ASMTL: variants seen among roughly 807,000 people sequenced by gnomAD.
The protein encoded by ASMTL is acetylserotonin O-methyltransferase like.
Under a neutral mutation model 60.3 loss-of-function variants are expected in ASMTL, and 57 were observed. The ratio of observed to expected loss-of-function variants is 0.95; its 90% CI spans 0.76 to 1.18. ASMTL has a LOEUF of 1.18. Among genes scored for constraint, ASMTL ranks in the 50% most tolerant of loss-of-function variants. ASMTL has a pLI of 0.00. For synonymous variants in ASMTL, 419 were observed against 373.0 expected (o/e 1.12, Z -1.42); for missense variants, 981 against 852.6 (o/e 1.15, Z -1.88).
chrX:1,449,395 A>G (rs1236906574), intron 1 of ASMTL, among the ~76,000 whole-genome samples: 20 of 151,820 alleles, frequency 1.3e-4, no homozygotes, highest in Non-Finnish European at 2.1e-4. Context: ...CCCAGATCAT[A>G]TAGACCCCTG....
chrX:1,427,822 G>C lies in ASMTL; in HGVS notation c.809C>G (p.Ala270Gly). 2.5e-6 allele frequency: 4 copies of C among 1,612,300 alleles called. No individual in the cohort carries two copies. The highest frequency in any genetic ancestry group is 3.4e-6 in the Non-Finnish European group (4 of 1,179,826). Residue 270 changes from alanine (A) to glycine (G), a missense_variant, in exon 7 of 13, where the codon GCA (alanine) becomes GGA (glycine). Physicochemically the swap from Ala to Gly is moderately conservative, Grantham distance 60. Coordinates refer to ENST00000381317, the MANE Select transcript of ASMTL (RefSeq NM_004192.4). ...AEAGEAGQAT[A>G]EAECHRTRET... Reference sequence around the variant, plus strand: ...CCGAGTCCTGTGACACTCAGCCTCTGCCGTGGCCTGTCCCGCCTCTCCCGC... The same window carrying C: ...CCGAGTCCTGTGACACTCAGCCTCTCCCGTGGCCTGTCCCGCCTCTCCCGC...
At chrX:1,437,088 C>G (rs769275361) in intron 3 of ASMTL, among the ~76,000 whole-genome samples, 5 of 150,430 alleles carry the variant, frequency 3.3e-5, no homozygotes, top group Non-Finnish European at 5.9e-5. Flanking sequence ...ATGCTTTAGT[C>G]CATCTCAGGC....
At chrX:1,439,007 G>A in intron 3 of ASMTL, 90 bp downstream of exon 3, 1 of 1,373,068 alleles carries the variant, frequency 7.3e-7, no homozygotes, top group Non-Finnish European at 1.0e-6. Flanking sequence ...CTGTCTTAAG[G>A]GGAATGTACA....
At chrX:1,442,369 G>C (rs370716564) in intron 1 of ASMTL, 52 bp from the exon 2 acceptor site, 4 of 1,606,130 alleles carry the variant, frequency 2.5e-6, no homozygotes, top group South Asian at 1.1e-5. Flanking sequence ...CCTATGAAAA[G>C]TGAATGGGAC....
Position 1,420,961 on chromosome X carries a change from T to TA in ASMTL, c.1245+696_1245+697insT, listed in dbSNP as rs1491155214. 2.7e-3 allele frequency among the ~76,000 whole-genome samples: 4 copies of TA among 1,476 alleles called. No individual in the cohort carries two copies. The East Asian group carries it at 0.5, about 184-fold the overall frequency. 1.0% of individuals were successfully genotyped at this position (1,476 alleles called of 152,430 possible). On this transcript the variant is annotated intron_variant, in intron 9 of 12. Coordinates refer to ENST00000381317, the MANE Select transcript of ASMTL (RefSeq NM_004192.4). ...CTAATCATACCTGGCTAATCGTTAATTTTTTTTTTTTTTTTTGAGATGGAG... is the reference window on the plus strand; with the variant it reads ...CTAATCATACCTGGCTAATCGTTAATATTTTTTTTTTTTTTTTGAGATGGAG...
chrX:1,439,358 C>T (rs1438348954), intron 2 of ASMTL, among the ~76,000 whole-genome samples: 1 of 152,158 alleles, frequency 6.6e-6, no homozygotes, highest in African/African-American at 2.4e-5. Context: ...GAGGCCGGGG[C>T]CCACGGGGGC....
Position 1,427,784 on chromosome X carries a change from G to C in ASMTL, c.847C>G (p.Pro283Ala). Reference sequence around the variant, plus strand: ...AGCTCCAGGAGGCGTGTCGGGAACGGAGGCAGGGTCTCCCGAGTCCTGTGA... The same window carrying C: ...AGCTCCAGGAGGCGTGTCGGGAACGCAGGCAGGGTCTCCCGAGTCCTGTGA... ...ECHRTRETLPPFPTRLLELIE... is the reference protein window; with the variant it reads ...ECHRTRETLPAFPTRLLELIE... The change falls in exon 7 of 13, where the codon CCG (proline) becomes GCG (alanine). Residue 283 changes from proline to alanine, a missense_variant. Pro to Ala is a conservative substitution (Grantham distance 27). Coordinates refer to ENST00000381317, the MANE Select transcript of ASMTL (RefSeq NM_004192.4). The C allele has an allele frequency of 1.9e-6, 3 of 1,613,094 alleles. No individual in the cohort carries two copies. The highest frequency in any genetic ancestry group is 2.2e-5 in the South Asian group (2 of 91,038).
In ASMTL at chrX:1,421,682, C is replaced by T. The variant is rs2149302575; in HGVS notation, c.1221G>A (p.Gly407=). 5.0e-6 allele frequency: 8 copies of T among 1,613,920 alleles called. No homozygotes were observed. Among genetic ancestry groups the T allele is most frequent in the Non-Finnish European group, 6.8e-6 (8 of 1,179,842 alleles). The change falls in exon 9 of 13, where the codon GGG becomes GGA. Residue 407 remains glycine, a synonymous_variant. Coordinates refer to ENST00000381317, the MANE Select transcript of ASMTL (RefSeq NM_004192.4). Reference sequence around the variant, plus strand: ...CCTGGAACAGATCTTCCGCCTTCTTCCCCAACGCCCTGTGGTGCTGGTTTG... The same window carrying T: ...CCTGGAACAGATCTTCCGCCTTCTTTCCCAACGCCCTGTGGTGCTGGTTTG... ...EGTNQHHRAL[G]KKAEDLFQDA... is the part of the protein sequence containing the mutation.
At chrX:1,433,609 G>A (rs1319414401) in intron 5 of ASMTL, among the ~76,000 whole-genome samples, 5 of 151,876 alleles carry the variant, frequency 3.3e-5, no homozygotes, top group African/African-American at 7.3e-5. Context: ...GAACCCGGGA[G>A]GCGGAGCTTG....
chrX:1,453,267 T>A (rs1244453302), upstream of ASMTL, among the ~76,000 whole-genome samples: 1 of 135,300 alleles, frequency 7.4e-6, no homozygotes, highest in Non-Finnish European at 1.6e-5. Context: ...CACACCTCCT[T>A]GCCCTCTCCG....
intron 6 of ASMTL, 177 bp downstream of exon 6, chrX:1,432,092 A>G (rs1180949077): frequency 2.3e-5 from 14 of 614,804 alleles, no homozygotes; most frequent in Non-Finnish European, 4.1e-5. Flanking sequence ...TTGAGCCTCC[A>G]TGGGTCAGTG....
chrX:1,441,120 T>C (rs2091096766), intron 2 of ASMTL, among the ~76,000 whole-genome samples: 1 of 152,116 alleles, frequency 6.6e-6, no homozygotes, highest in Non-Finnish European at 1.5e-5. Flanking sequence ...AATCCGATAT[T>C]ACTTAGTGGC....
At chrX:1,445,687 G>A (rs1182646538) in intron 1 of ASMTL, among the ~76,000 whole-genome samples, 1 of 152,092 alleles carries the variant, frequency 6.6e-6, no homozygotes, top group African/African-American at 2.4e-5. Context: ...AATATAAAAC[G>A]AGAAAGTTAT....
intron 1 of ASMTL, among the ~76,000 whole-genome samples, chrX:1,451,713 G>A (rs1210896557): frequency 1.9e-4 from 28 of 147,764 alleles, no homozygotes; most frequent in African/African-American, 6.8e-4. Flanking sequence ...CATCCCTAGG[G>A]GTCCCGGGTT....
At chrX:1,441,880 A>G (rs1437440286) in intron 2 of ASMTL, 3 of 351,600 alleles carry the variant, frequency 8.5e-6, no homozygotes, top group Non-Finnish European at 1.0e-5. Flanking sequence ...ATCAATTGCG[A>G]GAAATTATTA....
chrX:1,429,475 T>C (rs1312156741), intron 6 of ASMTL, among the ~76,000 whole-genome samples: 2 of 151,904 alleles, frequency 1.3e-5, no homozygotes, highest in Non-Finnish European at 1.5e-5. Flanking sequence ...GCCCGGCCTG[T>C]CTTTCTTTAA....
rs756736419 is a variant in ASMTL, at chrX:1,432,601, G to A, written c.401-224C>T. ...TCCCAGCACCTTGGGAGGCCGAGGC[G>A]GGTGGATCACGAGGTCAGGAGTTCG... On this transcript the variant is annotated intron_variant, in intron 5 of 12. Coordinates refer to ENST00000381317, the MANE Select transcript of ASMTL (RefSeq NM_004192.4). Among the ~76,000 whole-genome samples, 470 of 152,250 alleles carry A rather than the reference G, an allele frequency of 3.1e-3. 2 individuals are homozygous for A. The highest frequency in any genetic ancestry group is 0.011 in the African/African-American group (447 of 41,554).
chrX:1,417,010 G>C (rs1285056405), intron 11 of ASMTL, among the ~76,000 whole-genome samples: 54 of 119,490 alleles, frequency 4.5e-4, no homozygotes, highest in Admixed American at 8.1e-4. Context: ...TGCACACACA[G>C]ACTCAGAAAC....
intron 1 of ASMTL, among the ~76,000 whole-genome samples, chrX:1,446,562 C>A (rs1321267759): frequency 2.7e-5 from 4 of 146,362 alleles, no homozygotes; most frequent in African/African-American, 1.0e-4. Flanking sequence ...TGCAGTGGTG[C>A]CATCTCGGTT....
Sources: allele counts gnomAD v4.1 joint callset (sites outside exome capture counted in the v4.1 genomes callset), GRCh38; gene constraint gnomAD v4.1.1; transcripts MANE v1.5; gene names NCBI Gene and HGNC (gene_info 2026-07-23, HGNC 2026-07-21).